SCRT2: variants seen among roughly 807,000 people sequenced by gnomAD.
The protein encoded by SCRT2 is transcriptional repressor scratch 2.
Under a neutral mutation model 3.7 loss-of-function variants are expected in SCRT2, and 2 were observed. The observed-to-expected ratio is 0.54, with a 90% confidence interval of 0.22 to 1.70. The LOEUF is 1.70. SCRT2 is among the 40% of genes most tolerant of loss of function. SCRT2 has a pLI of 0.19. For missense variants in SCRT2, 456 were observed against 468.5 expected (o/e 0.97, Z 0.25); for synonymous variants, 256 against 220.6 (o/e 1.16, Z -1.42).
intron 1 of SCRT2, among the ~76,000 whole-genome samples, chr20:673,869 G>A (rs1211027086): frequency 6.6e-6 from 1 of 152,122 alleles, no homozygotes; most frequent in Non-Finnish European, 1.5e-5. Flanking sequence ...TCCCTTAAGA[G>A]ATCCATATCC....
chr20:664,023 C>T lies in SCRT2; in HGVS notation c.572G>A (p.Cys191Tyr). The change falls in exon 2 of 2, where the codon TGC (cysteine) becomes TAC (tyrosine). Residue 191 changes from cysteine to tyrosine, a missense_variant. Coordinates refer to ENST00000246104, the MANE Select transcript of SCRT2 (RefSeq NM_033129.4). The surrounding 1 kb of genome is among the most constrained non-coding windows in gnomAD (Gnocchi z 7.9). ...DSQLARKCPT[C>Y]GKAYVSMPAL... ...GGGCATGGACACGTAGGCCTTGCCG[C>T]ACGTCGGGCATTTGCGCGCCAGCTG... 1 of 1,612,096 alleles carries T rather than the reference C, an allele frequency of 6.2e-7. No individual in the cohort carries two copies. Among genetic ancestry groups the T allele is most frequent in the Non-Finnish European group, 8.5e-7 (1 of 1,179,638 alleles).
Position 664,419 on chromosome 20 carries a change from T to G in SCRT2, c.176A>C (p.Asp59Ala). 1.5e-6 allele frequency: 2 copies of G among 1,340,164 alleles called. No homozygotes were observed. Among genetic ancestry groups the G allele is most frequent in the Non-Finnish European group, 1.9e-6 (2 of 1,036,422 alleles). 83.0% of individuals were successfully genotyped at this position (1,340,164 alleles called of 1,614,324 possible). A position where few individuals can be genotyped will look rare whatever the true frequency, so the allele number is the denominator to read the frequency against. Reference sequence around the variant, plus strand: ...GGCCAGCTCCAGGCCCGGCTTCTGGTCCGCATCGTAGCTGCTCGGGGGCAG... The same window carrying G: ...GGCCAGCTCCAGGCCCGGCTTCTGGGCCGCATCGTAGCTGCTCGGGGGCAG... Reference protein sequence around the residue: ...HRLPPSSYDADQKPGLELAPA... With the variant: ...HRLPPSSYDAAQKPGLELAPA... Residue 59 changes from aspartate to alanine, a missense_variant, in exon 2 of 2, where the codon GAC becomes GCC. Transcript: ENST00000246104. This position sits in a 1 kb window ranked among gnomAD's most constrained non-coding sequence, Gnocchi z 7.9.
In SCRT2 at chr20:664,542, C is replaced by T. The variant is rs1478989202; in HGVS notation, c.134-81G>A. 4 of 1,068,464 alleles carry T rather than the reference C, an allele frequency of 3.7e-6. No individual in the cohort carries two copies. The highest frequency in any genetic ancestry group is 4.8e-6 in the Non-Finnish European group (4 of 837,722). 66.2% of individuals were successfully genotyped at this position (1,068,464 alleles called of 1,614,324 possible). A position where few individuals can be genotyped will look rare whatever the true frequency, so the allele number is the denominator to read the frequency against. On this transcript the variant is annotated intron_variant, in intron 1 of 1. Transcript: ENST00000246104. The surrounding 1 kb of genome is among the most constrained non-coding windows in gnomAD (Gnocchi z 7.9). ...CGCTTTGAGCGCGTCACCCTTTGCG[C>T]CTTCCAGCTTGGCGCCCCTGTGGCA...
chr20:668,591 G>A (rs571650452), intron 1 of SCRT2, among the ~76,000 whole-genome samples: 2 of 152,308 alleles, frequency 1.3e-5, no homozygotes, highest in Admixed American at 6.5e-5. Flanking sequence ...TCCATTTGAG[G>A]AATGTGGACC....
chr20:668,405 T>A (rs1338250299), intron 1 of SCRT2, among the ~76,000 whole-genome samples: 10 of 152,202 alleles, frequency 6.6e-5, no homozygotes. Context: ...CTGAGATACC[T>A]ATCCTGCAAC....
intron 1 of SCRT2, among the ~76,000 whole-genome samples, chr20:670,471 T>C (rs1262299624): frequency 6.6e-6 from 1 of 152,084 alleles, no homozygotes; most frequent in Non-Finnish European, 1.5e-5. Flanking sequence ...AGGGACCCCA[T>C]CTCTCCCGGC....
In SCRT2 at chr20:675,753, G is replaced by A. The variant is rs953993932; in HGVS notation, c.-152C>T. 3 of 350,402 alleles carry A rather than the reference G, an allele frequency of 8.6e-6. No homozygotes were observed. Among genetic ancestry groups the A allele is most frequent in the Non-Finnish European group, 1.3e-5 (3 of 226,012 alleles). The allele number at this position is 350,402 out of a possible 1,614,324, so 21.7% of individuals were successfully genotyped here. A position where few individuals can be genotyped will look rare whatever the true frequency, so the allele number is the denominator to read the frequency against. ...CACCGGTGGCGGCGGCCCCGGCTCG[G>A]GCTCGGGCTTGGCGGCGGCGGCGCG... is the stretch of plus-strand genomic sequence containing the variant. On this transcript the variant is annotated 5_prime_UTR_variant, in exon 1 of 2. Transcript: ENST00000246104. The surrounding 1 kb of genome is among the most constrained non-coding windows in gnomAD (Gnocchi z 6.9).
Position 662,301 on chromosome 20 carries a change from T to C in SCRT2, c.*1370A>G, listed in dbSNP as rs920194699. ...GGAAGAAGAATAAACAGGAAACAAA[T>C]CGAAGAGGCTCCTCTCTCCGGGCCG... On this transcript the variant is annotated 3_prime_UTR_variant, in exon 2 of 2. Coordinates refer to ENST00000246104, the MANE Select transcript of SCRT2 (RefSeq NM_033129.4). 10 of 152,524 alleles carry C rather than the reference T, an allele frequency of 6.6e-5. No homozygotes were observed. Among genetic ancestry groups the C allele is most frequent in the African/African-American group, 2.4e-4 (10 of 41,354 alleles). The allele number at this position is 152,524 out of a possible 1,614,324, so 9.4% of individuals were successfully genotyped here.
chr20:672,831 C>G (rs989076922), intron 1 of SCRT2, among the ~76,000 whole-genome samples: 2 of 150,598 alleles, frequency 1.3e-5, no homozygotes, highest in African/African-American at 4.9e-5. Context: ...CACTTACACA[C>G]GCTGAGAGAG....
chr20:670,479 G>A (rs568931260), intron 1 of SCRT2, among the ~76,000 whole-genome samples: 45 of 152,300 alleles, frequency 3.0e-4, no homozygotes, highest in Admixed American at 2.2e-3. Context: ...CATCTCTCCC[G>A]GCAGAGGGCC....
Position 665,083 on chromosome 20 carries a change from G to T in SCRT2, c.134-622C>A, listed in dbSNP as rs1332657497. On this transcript the variant is annotated intron_variant, in intron 1 of 1. Coordinates refer to ENST00000246104, the MANE Select transcript of SCRT2 (RefSeq NM_033129.4). This position sits in a 1 kb window ranked among gnomAD's most constrained non-coding sequence, Gnocchi z 5.0. ...TTAACTCTAATCGTCACAGACCCAA[G>T]GAAGTCGGCACTATTGTAATCCCCA... Among the ~76,000 whole-genome samples, 1 of 152,198 alleles carries T rather than the reference G, an allele frequency of 6.6e-6. No homozygotes were observed. Among genetic ancestry groups the T allele is most frequent in the Non-Finnish European group, 1.5e-5 (1 of 68,022 alleles).
In SCRT2 at chr20:663,558, A is replaced by G; in HGVS notation, c.*113T>C. On this transcript the variant is annotated 3_prime_UTR_variant, in exon 2 of 2. Transcript: ENST00000246104. This position sits in a 1 kb window ranked among gnomAD's most constrained non-coding sequence, Gnocchi z 6.9. Reference sequence around the variant, plus strand: ...GGGCCGGGCCGGGGGTCCCCACGAGAGGGTCATGGGCAGGGAAACGCAGCC... The same window carrying G: ...GGGCCGGGCCGGGGGTCCCCACGAGGGGGTCATGGGCAGGGAAACGCAGCC... 9.9e-7 allele frequency: 1 copy of G among 1,007,770 alleles called. No homozygotes were observed. Among genetic ancestry groups the G allele is most frequent in the Non-Finnish European group, 1.3e-6 (1 of 776,402 alleles). The allele number at this position is 1,007,770 out of a possible 1,614,324, so 62.4% of individuals were successfully genotyped here.
chr20:663,951 C>T lies in SCRT2; in HGVS notation c.644G>A (p.Gly215Asp). ...LLTHNLRHKCGVCGKAFSRPW... is the reference protein window; with the variant it reads ...LLTHNLRHKCDVCGKAFSRPW... ...CCGCGAGAAGGCCTTGCCGCAGACGCCGCACTTGTGGCGCAGGTTGTGCGT... is the reference window on the plus strand; with the variant it reads ...CCGCGAGAAGGCCTTGCCGCAGACGTCGCACTTGTGGCGCAGGTTGTGCGT... The change falls in exon 2 of 2, where the codon GGC becomes GAC. Residue 215 changes from glycine to aspartate, a missense_variant. Gly to Asp is a moderately conservative substitution (Grantham distance 94). Transcript: ENST00000246104. The surrounding 1 kb of genome is among the most constrained non-coding windows in gnomAD (Gnocchi z 6.9). The T allele has an allele frequency of 1.9e-6, 3 of 1,609,760 alleles. No individual in the cohort carries two copies. The highest frequency in any genetic ancestry group is 2.5e-6 in the Non-Finnish European group (3 of 1,179,516).
Position 664,121 on chromosome 20 carries a change from G to T in SCRT2, c.474C>A (p.Ala158=), listed in dbSNP as rs146731100. The change falls in exon 2 of 2, where the codon GCC becomes GCA. Residue 158 remains alanine (A), a synonymous_variant. Transcript: ENST00000246104. This position sits in a 1 kb window ranked among gnomAD's most constrained non-coding sequence, Gnocchi z 7.9. ...ACGTGGCGTAGGTCTTGCCGCACTC[G>T]GCGCACGCGTGCCGGTGCCCGCCGC... The part of the protein sequence containing the change: ...QAGGGHRHAC[A]ECGKTYATSS... 1,946 of 1,534,790 alleles carry T rather than the reference G, an allele frequency of 1.3e-3. 2 individuals carry two copies. The highest frequency in any genetic ancestry group is 1.3e-3 in the Non-Finnish European group (1,534 of 1,141,668).
rs1984107958 is a variant in SCRT2, at chr20:664,845, G to A, written c.134-384C>T. ...AGGAAGTGATGGAGCCCTTGCCAGT[G>A]TGACCCTGAAGCCCATGCTGTCTCT... On this transcript the variant is annotated intron_variant, in intron 1 of 1. Transcript: ENST00000246104. This position sits in a 1 kb window ranked among gnomAD's most constrained non-coding sequence, Gnocchi z 7.9. Among the ~76,000 whole-genome samples, 1 of 152,246 alleles carries A rather than the reference G, an allele frequency of 6.6e-6. No individual in the cohort carries two copies. Among genetic ancestry groups the A allele is most frequent in the South Asian group, 2.1e-4 (1 of 4,836 alleles).
At chr20:673,496 G>C (rs982099677) in intron 1 of SCRT2, among the ~76,000 whole-genome samples, 4 of 152,230 alleles carry the variant, frequency 2.6e-5, no homozygotes, top group Non-Finnish European at 2.9e-5. Flanking sequence ...CAGGTTTCTG[G>C]CTATCAGCAC....
Position 675,195 on chromosome 20 carries a change from C to T in SCRT2, c.133+274G>A, listed in dbSNP as rs1042838889. On this transcript the variant is annotated intron_variant, in intron 1 of 1. Transcript: ENST00000246104. The surrounding 1 kb of genome is among the most constrained non-coding windows in gnomAD (Gnocchi z 6.9). ...CCCCGTCTGTGTTCTCTTGCCACCC[C>T]CTCACTCTAGCCCTATTTGAGGGCC... 3.3e-5 allele frequency among the ~76,000 whole-genome samples: 5 copies of T among 152,188 alleles called. No homozygotes were observed. The highest frequency in any genetic ancestry group is 5.9e-5 in the Non-Finnish European group (4 of 68,040).
At chr20:670,445 G>C (rs1214376506) in intron 1 of SCRT2, among the ~76,000 whole-genome samples, 2 of 138,386 alleles carry the variant, frequency 1.4e-5, no homozygotes, top group African/African-American at 4.9e-5. Flanking sequence ...AGCTGGGAAA[G>C]AGACCAAGAG....
At chr20:673,136 T>A (rs532797624) in intron 1 of SCRT2, among the ~76,000 whole-genome samples, 4 of 152,280 alleles carry the variant, frequency 2.6e-5, no homozygotes, top group African/African-American at 9.6e-5. Flanking sequence ...CAGGCCAGGG[T>A]GCCTGTCCTC....
Sources: allele counts gnomAD v4.1 joint callset (sites outside exome capture counted in the v4.1 genomes callset), GRCh38; gene constraint gnomAD v4.1.1; non-coding constraint Gnocchi (gnomAD v3.1); transcripts MANE v1.5; gene names NCBI Gene and HGNC (gene_info 2026-07-23, HGNC 2026-07-21).